The following CD46 variants were observed in gnomAD, a reference collection of about 807,000 sequenced individuals.
The protein encoded by CD46 is membrane cofactor protein.
CD46 carries 30 observed loss-of-function variants against 53.3 expected under a neutral mutation model. That is an observed-to-expected ratio of 0.56 (90% CI 0.42 to 0.76). The LOEUF is 0.76. CD46 is among the 30% of genes least tolerant of loss of function. The pLI, the probability that CD46 is intolerant of heterozygous loss-of-function variation, is 0.00. For missense variants in CD46, 409 were observed against 463.0 expected (o/e 0.88, Z 1.07); for synonymous variants, 142 against 152.0 (o/e 0.93, Z 0.48).
intron 3 of CD46, among the ~76,000 whole-genome samples, chr1:207,759,048 C>CA (rs1462592839): frequency 6.6e-6 from 1 of 152,240 alleles, no homozygotes; most frequent in East Asian, 1.9e-4. Context: ...TTCTTATACT[C>CA]AGTGAGCTAT....
At chr1:207,772,121 C>G (rs944591799) in intron 8 of CD46, among the ~76,000 whole-genome samples, 11 of 152,154 alleles carry the variant, frequency 7.2e-5, no homozygotes, top group Non-Finnish European at 1.5e-4. Flanking sequence ...ACATCCATCC[C>G]TTGTAAGTTG....
At chr1:207,792,092 A>T (rs550048288) in intron 12 of CD46, among the ~76,000 whole-genome samples, 2 of 152,268 alleles carry the variant, frequency 1.3e-5, no homozygotes, top group South Asian at 4.1e-4. Flanking sequence ...GTTGGCCAAA[A>T]TGGTGAAACC....
intron 3 of CD46, among the ~76,000 whole-genome samples, chr1:207,758,357 C>G (rs1040019339): frequency 6.6e-6 from 1 of 152,246 alleles, no homozygotes; most frequent in East Asian, 1.9e-4. Context: ...GCAGTAGTGT[C>G]TGGCAAGGGC....
intron 7 of CD46, 105 bp from the exon 8 acceptor site, chr1:207,770,216 G>A: frequency 1.2e-6 from 1 of 822,032 alleles, no homozygotes. Flanking sequence ...TGTAAAGTGT[G>A]TAGTTTTCAT....
chr1:207,756,892 ATT>A (rs1031854381), intron 1 of CD46, 120 bp from the exon 2 acceptor site: 18 of 773,202 alleles, frequency 2.3e-5, no homozygotes, highest in Admixed American at 9.7e-5. Flanking sequence ...TGGAACAGTC[ATT>A]TAAAATCTTG....
chr1:207,792,856 TA>T (rs1269168321), intron 12 of CD46, among the ~76,000 whole-genome samples: 1 of 152,220 alleles, frequency 6.6e-6, no homozygotes. Flanking sequence ...CAAAAAAATG[TA>T]AAATACATCT....
At position 207,793,640 on chromosome 1, in the gene CD46, A is replaced by G; in HGVS notation, c.*163A>G. 1 of 1,437,920 alleles carries G rather than the reference A, an allele frequency of 7.0e-7. No individual in the cohort carries two copies. The highest frequency in any genetic ancestry group is 9.8e-7 in the Non-Finnish European group (1 of 1,020,186). The allele number at this position is 1,437,920 out of a possible 1,614,324, so 89.1% of individuals were successfully genotyped here. A position where few individuals can be genotyped will look rare whatever the true frequency, so the allele number is the denominator to read the frequency against. ...CAGTTCATCTTTTGACTCTATTAAAATCTTCAATAGTTGTTATTCTGTAGT... is the reference window on the plus strand; with the variant it reads ...CAGTTCATCTTTTGACTCTATTAAAGTCTTCAATAGTTGTTATTCTGTAGT... On this transcript the variant is annotated 3_prime_UTR_variant, in exon 13 of 13. Transcript: ENST00000367042.
At chr1:207,767,738 C>T in intron 6 of CD46, 41 bp from the exon 7 acceptor site, 1 of 1,597,522 alleles carries the variant, frequency 6.3e-7, no homozygotes, top group Non-Finnish European at 8.6e-7. Context: ...CAATAACTCC[C>T]AAGTGTTTGG....
intron 11 of CD46, 136 bp from the exon 12 acceptor site, chr1:207,790,117 G>A: frequency 2.9e-6 from 2 of 680,542 alleles, no homozygotes; most frequent in Non-Finnish European, 5.4e-6. Context: ...GAATGAGAAA[G>A]TCTTAAGTTA....
chr1:207,793,265 G>A (rs547917018), intron 12 of CD46, among the ~76,000 whole-genome samples: 1 of 152,292 alleles, frequency 6.6e-6, no homozygotes, highest in South Asian at 2.1e-4. Context: ...TAGTTACTAA[G>A]TACTTTGTGT....
intron 2 of CD46, 47 bp downstream of exon 2, chr1:207,757,249 G>A (rs1655663374): frequency 6.6e-7 from 1 of 1,504,786 alleles, no homozygotes; most frequent in Non-Finnish European, 9.2e-7. Context: ...CTAGAGATTT[G>A]CATACATTTT....
chr1:207,762,849 A>C (rs41317087), intron 5 of CD46: 4 of 152,732 alleles, frequency 2.6e-5, no homozygotes, highest in African/African-American at 9.6e-5. Context: ...TGTGCCCGCC[A>C]TGTGGAAGCC....
chr1:207,766,591 C>A (rs936701684), intron 5 of CD46, among the ~76,000 whole-genome samples: 2 of 152,072 alleles, frequency 1.3e-5, no homozygotes, highest in African/African-American at 4.8e-5. Context: ...CCAGGAGATT[C>A]AGTGAACCTT....
intron 6 of CD46, chr1:207,767,568 C>T: frequency 6.6e-7 from 1 of 1,519,212 alleles, no homozygotes; most frequent in Non-Finnish European, 9.1e-7. Context: ...AGCAATAACT[C>T]CCAAGTGGTT....
chr1:207,758,961 C>G (rs1655874662), intron 3 of CD46, among the ~76,000 whole-genome samples: 1 of 151,944 alleles, frequency 6.6e-6, no homozygotes, highest in South Asian at 2.1e-4. Flanking sequence ...CTCTAAGAGT[C>G]CAGAAGGAGG....
chr1:207,758,145 G>A (rs1225153774), intron 3 of CD46, among the ~76,000 whole-genome samples: 6 of 152,160 alleles, frequency 3.9e-5, no homozygotes, highest in Non-Finnish European at 8.8e-5. Context: ...TCAAGAGCAG[G>A]TACTGAGCCC....
chr1:207,762,813 T>G (rs1184939054), intron 5 of CD46: 6 of 152,526 alleles, frequency 3.9e-5, no homozygotes, highest in Admixed American at 3.9e-4. Flanking sequence ...CTGCCTGGTT[T>G]CTGCAGAGAT....
At position 207,795,332 on chromosome 1, in the gene CD46, GT is replaced by G. The variant is rs1660163560; in HGVS notation, c.*1859del. 6.6e-6 allele frequency: 1 copy of G among 152,114 alleles called. No homozygotes were observed. Among genetic ancestry groups the G allele is most frequent in the Non-Finnish European group, 1.5e-5 (1 of 68,012 alleles). 9.4% of individuals were successfully genotyped at this position (152,114 alleles called of 1,614,324 possible). A position where few individuals can be genotyped will look rare whatever the true frequency, so the allele number is the denominator to read the frequency against. ...TTGTTACTTAAATATATAGAGACCA[GT>G]TTTCTCTGGAAGTTTGTTTAAATGA... On this transcript the variant is annotated 3_prime_UTR_variant, in exon 13 of 13. Transcript: ENST00000367042.
intron 1 of CD46, among the ~76,000 whole-genome samples, chr1:207,754,104 A>G (rs1655237547): frequency 6.6e-6 from 1 of 152,232 alleles, no homozygotes; most frequent in Admixed American, 6.5e-5. Flanking sequence ...CAGACATTAA[A>G]ATCCAAAACA....
Sources: gnomAD v4.1 joint callset for allele counts (sites outside exome capture counted in the v4.1 genomes callset) on GRCh38, gnomAD v4.1.1 for gene constraint, MANE v1.5 for transcripts, NCBI Gene and HGNC (gene_info 2026-07-23, HGNC 2026-07-21) for gene names.